The following RINT1 variants were observed in gnomAD, a reference collection of about 807,000 sequenced individuals.
RINT1 encodes the protein RAD50 interactor 1.
RINT1 carries 75 observed loss-of-function variants against 97.7 expected under a neutral mutation model. That is an observed-to-expected ratio of 0.77 (90% CI 0.64 to 0.93). The LOEUF (loss-of-function observed/expected upper bound fraction) is 0.93, where lower values mean the gene tolerates loss of function less well. Ranked by LOEUF, RINT1 falls within the 40% of genes least tolerant of loss-of-function variation. RINT1 has a pLI of 0.00. For missense variants in RINT1, 892 were observed against 925.2 expected (o/e 0.96, Z 0.47); for synonymous variants, 303 against 326.3 (o/e 0.93, Z 0.77).
Position 105,565,249 on chromosome 7 carries a change from T to C in RINT1, c.1887-28T>C, listed in dbSNP as rs1389718241. On this transcript the variant is annotated intron_variant, in intron 12 of 14. Coordinates refer to ENST00000257700, the MANE Select transcript of RINT1 (RefSeq NM_021930.6). ...CTTGAAAAATAGAAACTGATGAAAA[T>C]TTTTTGGTAAAAATGTGTTTTTTCC... is the stretch of plus-strand genomic sequence containing the variant. 6 of 1,558,272 alleles carry C rather than the reference T, an allele frequency of 3.9e-6. No individual in the cohort carries two copies. The African/African-American group carries it at 5.5e-5, about 14-fold the overall frequency.
intron 11 of RINT1, among the ~76,000 whole-genome samples, chr7:105,559,247 T>C (rs1791319821): frequency 1.3e-5 from 2 of 151,842 alleles, no homozygotes; most frequent in African/African-American, 2.4e-5. Flanking sequence ...ATACAAAAAA[T>C]TAGCCAGGCG....
rs751143026 is a variant in RINT1 at position 105,550,413 on chromosome 7, C to T, written c.1260C>T (p.Gly420=). ...TACACAGTGTTCATGGCTATCCTGGCACTTTTGCTAGTTGTATGCATATTC... is the reference window on the plus strand; with the variant it reads ...TACACAGTGTTCATGGCTATCCTGGTACTTTTGCTAGTTGTATGCATATTC... ...RELHSVHGYP[G]TFASCMHILS... The change falls in exon 9 of 15, where the codon GGC becomes GGT. Residue 420 remains glycine, a synonymous_variant. Coordinates refer to ENST00000257700, the MANE Select transcript of RINT1 (RefSeq NM_021930.6). 6.2e-7 allele frequency: 1 copy of T among 1,614,116 alleles called. No homozygotes were observed. The highest frequency in any genetic ancestry group is 1.1e-5 in the South Asian group (1 of 91,078).
Position 105,567,321 on chromosome 7 carries a change from G to A in RINT1, c.*10G>A. 1 of 1,562,666 alleles carries A rather than the reference G, an allele frequency of 6.4e-7. No individual in the cohort carries two copies. Among genetic ancestry groups the A allele is most frequent in the East Asian group, 2.3e-5 (1 of 44,272 alleles). ...TAATACTGGAAAATAATGTCTTTCAGAAAAAGGTTTCTTTGGTTTTTGTTT... is the reference window on the plus strand; with the variant it reads ...TAATACTGGAAAATAATGTCTTTCAAAAAAAGGTTTCTTTGGTTTTTGTTT... On this transcript the variant is annotated 3_prime_UTR_variant, in exon 15 of 15. Coordinates refer to ENST00000257700, the MANE Select transcript of RINT1 (RefSeq NM_021930.6).
At chr7:105,544,872 G>A (rs561258325) in intron 4 of RINT1, among the ~76,000 whole-genome samples, 1 of 152,116 alleles carries the variant, frequency 6.6e-6, no homozygotes, top group Admixed American at 6.6e-5. Flanking sequence ...TTTCCCTGAG[G>A]TCTTTTATGA....
intron 10 of RINT1, 118 bp from the exon 11 acceptor site, chr7:105,554,910 T>G (rs1562853642): frequency 4.0e-6 from 3 of 741,026 alleles, no homozygotes; most frequent in Non-Finnish European, 6.7e-6. Flanking sequence ...AAATCCATTC[T>G]TGACTACTGG....
At chr7:105,556,170 G>A (rs1266452501) in intron 11 of RINT1, among the ~76,000 whole-genome samples, 1 of 151,604 alleles carries the variant, frequency 6.6e-6, no homozygotes, top group Non-Finnish European at 1.5e-5. Flanking sequence ...GGGTTCAAGG[G>A]ATTATCCTGC....
chr7:105,544,742 A>G (rs1244232981), intron 4 of RINT1, among the ~76,000 whole-genome samples: 2 of 152,054 alleles, frequency 1.3e-5, no homozygotes, highest in East Asian at 3.9e-4. Flanking sequence ...GCCTTGATAA[A>G]CTCTTCAGAT....
intron 10 of RINT1, among the ~76,000 whole-genome samples, chr7:105,552,129 A>G (rs1306252157): frequency 6.6e-6 from 1 of 152,158 alleles, no homozygotes; most frequent in African/African-American, 2.4e-5. Flanking sequence ...GTTATCTTCA[A>G]ATTCAGTTTC....
chr7:105,565,123 A>G (rs1159022284), intron 12 of RINT1, 154 bp from the exon 13 acceptor site: 1 of 548,734 alleles, frequency 1.8e-6, no homozygotes, highest in Non-Finnish European at 3.1e-6. Flanking sequence ...ATACAGGTAC[A>G]TTTATTTTCT....
Position 105,550,321 on chromosome 7 carries a change from T to G in RINT1, c.1168T>G (p.Cys390Gly). 6.2e-7 allele frequency: 1 copy of G among 1,614,156 alleles called. No individual in the cohort carries two copies. The highest frequency in any genetic ancestry group is 2.2e-5 in the East Asian group (1 of 44,878). ...TGAGAAGTTAGCCACTGATATTCCT[T>G]GTCTGCTATATGATGACAATCTCTT... ...VLEKLATDIP[C>G]LLYDDNLFCH... Residue 390 changes from cysteine (C) to glycine (G), a missense_variant, in exon 9 of 15, where the codon TGT (cysteine) becomes GGT (glycine). Cys to Gly is a radical substitution (Grantham distance 159, BLOSUM62 -3). Coordinates refer to ENST00000257700, the MANE Select transcript of RINT1 (RefSeq NM_021930.6).
chr7:105,552,481 C>T lies in RINT1; in HGVS notation c.1471+774C>T, dbSNP rs370260325. Among the ~76,000 whole-genome samples the T allele has an allele frequency of 1.4e-3, 207 of 152,154 alleles. 1 individual carries two copies. Among genetic ancestry groups the T allele is most frequent in the African/African-American group, 4.8e-3 (201 of 41,520 alleles). On this transcript the variant is annotated intron_variant, in intron 10 of 14. Transcript: ENST00000257700. ...TGGAGGGTAGCCTAGCATCCTCTGGCCCTGGTTGGTCTTTAGCCAATCACG... is the reference window on the plus strand; with the variant it reads ...TGGAGGGTAGCCTAGCATCCTCTGGTCCTGGTTGGTCTTTAGCCAATCACG...
At position 105,563,754 on chromosome 7, in the gene RINT1, G is replaced by A; in HGVS notation, c.1693G>A (p.Ala565Thr). The A allele has an allele frequency of 6.2e-7, 1 of 1,613,670 alleles. No individual in the cohort carries two copies. The highest frequency in any genetic ancestry group is 8.5e-7 in the Non-Finnish European group (1 of 1,179,752). Residue 565 changes from alanine (A) to threonine (T), a missense_variant, in exon 12 of 15, where the codon GCT becomes ACT. Transcript: ENST00000257700. ...TCAGTTCTTTCTACAACTTCAACAG[G>A]CTGCACTGGAGGTGTTTGCAGAGAA... ...DNVFFLQLQQ[A>T]ALEVFAENNT...
chr7:105,566,840 A>G (rs938529415), intron 14 of RINT1: 4 of 202,542 alleles, frequency 2.0e-5, no homozygotes, highest in African/African-American at 9.2e-5. Flanking sequence ...AGTTATAGCT[A>G]TATTTAATAT....
intron 3 of RINT1, 49 bp from the exon 4 acceptor site, chr7:105,542,359 T>C: frequency 7.0e-7 from 1 of 1,424,782 alleles, no homozygotes; most frequent in South Asian, 1.3e-5. Context: ...GAAAATTTTA[T>C]CTGATTGCTG....
At chr7:105,543,451 T>G (rs1397463678) in intron 4 of RINT1, among the ~76,000 whole-genome samples, 3 of 152,194 alleles carry the variant, frequency 2.0e-5, no homozygotes, top group Non-Finnish European at 4.4e-5. Flanking sequence ...GGCTTGACCT[T>G]AGTTCTTTTT....
At position 105,542,623 on chromosome 7, in the gene RINT1, A is replaced by C; in HGVS notation, c.489A>C (p.Lys163Asn). 1 of 1,612,496 alleles carries C rather than the reference A, an allele frequency of 6.2e-7. No homozygotes were observed. The highest frequency in any genetic ancestry group is 8.5e-7 in the Non-Finnish European group (1 of 1,179,552). ...EEIERHLAYL[K>N]WISQIEELSD... ...TCGAACGTCATCTTGCTTACCTTAA[A>C]TGGATTTCACAAATTGAAGAACTAA... The change falls in exon 4 of 15, where the codon AAA becomes AAC. Residue 163 changes from lysine (K) to asparagine (N), a missense_variant. Coordinates refer to ENST00000257700, the MANE Select transcript of RINT1 (RefSeq NM_021930.6).
In RINT1 at chr7:105,563,830, C is replaced by G. The variant is rs1166414110; in HGVS notation, c.1769C>G (p.Ser590Cys). Residue 590 changes from serine (S) to cysteine (C), a missense_variant, in exon 12 of 15, where the codon TCT (serine) becomes TGT (cysteine). Ser to Cys is a moderately radical substitution (Grantham distance 112, BLOSUM62 -1). Transcript: ENST00000257700. ...QLGQLASMES[S>C]VFDDMINLLE... ...GGACAGCTAGCCTCTATGGAGAGCT[C>G]TGTCTTTGATGACATGATTAACCTC... The G allele has an allele frequency of 1.2e-6, 2 of 1,614,028 alleles. No individual in the cohort carries two copies. The highest frequency in any genetic ancestry group is 1.1e-5 in the South Asian group (1 of 91,090).
rs557035538 is a variant in RINT1, at chr7:105,557,698, T to C, written c.1671+2471T>C. 3.3e-3 allele frequency among the ~76,000 whole-genome samples: 498 copies of C among 152,260 alleles called. 2 individuals are homozygous for C. The highest frequency in any genetic ancestry group is 0.011 in the African/African-American group (469 of 41,574). On this transcript the variant is annotated intron_variant, in intron 11 of 14. Coordinates refer to ENST00000257700, the MANE Select transcript of RINT1 (RefSeq NM_021930.6). ...ATAGCAGAAAATGTATTCCTCATAA[T>C]ACCTATTTTAATGTGAAAGAAAAAG...
chr7:105,553,543 AC>A (rs1277220410), intron 10 of RINT1, among the ~76,000 whole-genome samples: 5 of 150,464 alleles, frequency 3.3e-5, no homozygotes, highest in Non-Finnish European at 7.4e-5. Context: ...ACACAGTGAA[AC>A]CCCGTCTCTA....
Sources: gnomAD v4.1 joint callset for allele counts (sites outside exome capture counted in the v4.1 genomes callset) on GRCh38, gnomAD v4.1.1 for gene constraint, MANE v1.5 for transcripts, NCBI Gene and HGNC (gene_info 2026-07-23, HGNC 2026-07-21) for gene names.